EPSTI1: variants seen among roughly 807,000 people sequenced by gnomAD.
EPSTI1 encodes epithelial-stromal interaction protein 1.
Under a neutral mutation model 49.9 loss-of-function variants are expected in EPSTI1, and 66 were observed. The observed-to-expected ratio is 1.32, with a 90% confidence interval of 1.08 to 1.62. The LOEUF (loss-of-function observed/expected upper bound fraction) is 1.62, where lower values mean the gene tolerates loss of function less well. Among genes scored for constraint, EPSTI1 ranks in the 40% most tolerant of loss-of-function variants. The pLI is 0.00. For synonymous variants in EPSTI1, 137 were observed against 130.7 expected, an observed-to-expected ratio of 1.05 and a Z score of -0.33; for missense variants, 394 against 365.5, an observed-to-expected ratio of 1.08 and a Z score of -0.64.
At chr13:42,948,447 T>TTGC (rs2038989821) in intron 6 of EPSTI1, among the ~76,000 whole-genome samples, 1 of 142,518 alleles carries the variant, frequency 7.0e-6, no homozygotes, top group African/African-American at 2.6e-5. Context: ...TTTTTGCTGT[T>TTGC]TGTTTGTTTT....
intron 5 of EPSTI1, among the ~76,000 whole-genome samples, chr13:42,960,920 AAGG>A (rs2039429451): frequency 6.6e-6 from 1 of 152,168 alleles, no homozygotes; most frequent in Non-Finnish European, 1.5e-5. Context: ...TCTCTATTTT[AAGG>A]TCAGTTGATT....
intron 6 of EPSTI1, among the ~76,000 whole-genome samples, chr13:42,939,175 C>T (rs1490420480): frequency 2.0e-5 from 3 of 152,142 alleles, no homozygotes; most frequent in Non-Finnish European, 4.4e-5. Context: ...TAGGCTTTGG[C>T]TTAAGGGAAT....
Position 42,937,213 on chromosome 13 carries a change from C to T in EPSTI1, c.564-10784G>A, listed in dbSNP as rs573541561. ...ATGTACACTTTAATTTAAAAATACA[C>T]GTTGTTGCTAAAAAAAATGCTAACA... On this transcript the variant is annotated intron_variant, in intron 6 of 10. Transcript: ENST00000313624. Among the ~76,000 whole-genome samples the T allele has an allele frequency of 1.1e-4, 11 of 97,448 alleles. No homozygotes were observed. The South Asian group carries it at 1.7e-3, about 15-fold the overall frequency. 63.9% of individuals were successfully genotyped at this position (97,448 alleles called of 152,430 possible).
chr13:42,940,419 G>A (rs979804220), intron 6 of EPSTI1, among the ~76,000 whole-genome samples: 4 of 152,078 alleles, frequency 2.6e-5, no homozygotes, highest in African/African-American at 7.2e-5. Flanking sequence ...GGAATTGTTC[G>A]AATCCTACAC....
intron 6 of EPSTI1, among the ~76,000 whole-genome samples, chr13:42,945,980 T>A (rs903346350): frequency 2.0e-5 from 3 of 152,332 alleles, no homozygotes; most frequent in African/African-American, 7.2e-5. Context: ...AAGTTATGAA[T>A]AGGATGACTT....
chr13:42,902,084 A>G (rs1238563216), intron 8 of EPSTI1, among the ~76,000 whole-genome samples: 4 of 152,150 alleles, frequency 2.6e-5, no homozygotes, highest in Non-Finnish European at 5.9e-5. Flanking sequence ...ATGTCCCTAC[A>G]AAGGACATGA....
At chr13:42,982,135 T>C (rs2039997060) in intron 1 of EPSTI1, among the ~76,000 whole-genome samples, 1 of 151,920 alleles carries the variant, frequency 6.6e-6, no homozygotes, top group South Asian at 2.1e-4. Context: ...AGATAGGAGG[T>C]TGGCACAAGA....
intron 1 of EPSTI1, among the ~76,000 whole-genome samples, chr13:42,984,565 A>T (rs1293365051): frequency 6.6e-6 from 1 of 152,242 alleles, no homozygotes; most frequent in Admixed American, 6.5e-5. Context: ...ATTGATAAAA[A>T]TTTAACACTA....
At chr13:42,980,063 T>C (rs2039960385) in intron 1 of EPSTI1, among the ~76,000 whole-genome samples, 1 of 152,126 alleles carries the variant, frequency 6.6e-6, no homozygotes, top group South Asian at 2.1e-4. Flanking sequence ...GTAACTTTTC[T>C]TATAGAATGC....
intron 6 of EPSTI1, among the ~76,000 whole-genome samples, chr13:42,932,946 G>C (rs1334941563): frequency 6.6e-6 from 1 of 152,120 alleles, no homozygotes; most frequent in Admixed American, 6.5e-5. Flanking sequence ...AACCCAAACT[G>C]GGGGAAGTCT....
At chr13:42,905,634 C>T (rs1399060644) in intron 8 of EPSTI1, among the ~76,000 whole-genome samples, 1 of 152,128 alleles carries the variant, frequency 6.6e-6, no homozygotes, top group East Asian at 1.9e-4. Context: ...ACATCTGAGG[C>T]ATTGTTAAGG....
At chr13:42,948,449 G>A (rs369374079) in intron 6 of EPSTI1, among the ~76,000 whole-genome samples, 1 of 130,908 alleles carries the variant, frequency 7.6e-6, no homozygotes, top group African/African-American at 2.9e-5. Flanking sequence ...TTTGCTGTTT[G>A]TTTGTTTTTT....
intron 1 of EPSTI1, among the ~76,000 whole-genome samples, chr13:42,989,032 A>ATTTTTTTTTTTTTT (rs74772535): frequency 3.1e-5 from 3 of 96,124 alleles, no homozygotes; most frequent in Non-Finnish European, 3.7e-5. Flanking sequence ...GATAATTTAA[A>ATTTTTTTTTTTTTT]TTTTTTTTTT....
At chr13:42,934,121 G>A (rs1796120704) in intron 6 of EPSTI1, 1 of 190,792 alleles carries the variant, frequency 5.2e-6, no homozygotes, top group Non-Finnish European at 1.1e-5. Context: ...GGAAATACTG[G>A]GCTACCGTCA....
At chr13:42,969,853 A>C (rs1396380775) in intron 2 of EPSTI1, 1 of 152,258 alleles carries the variant, frequency 6.6e-6, no homozygotes, top group Non-Finnish European at 1.5e-5. Flanking sequence ...TACTAGAAAA[A>C]CAAATTCTGA....
intron 6 of EPSTI1, chr13:42,934,239 C>A (rs1197273776): frequency 6.5e-6 from 1 of 153,176 alleles, no homozygotes; most frequent in Non-Finnish European, 1.5e-5. Context: ...ATAAGAAAAG[C>A]AAATGAATTA....
At chr13:42,953,923 C>A in intron 6 of EPSTI1, 25 bp downstream of exon 6, 3 of 1,597,176 alleles carry the variant, frequency 1.9e-6, no homozygotes, top group Non-Finnish European at 2.6e-6. Flanking sequence ...TATAAAGGCA[C>A]GAAGTTCTGA....
intron 8 of EPSTI1, among the ~76,000 whole-genome samples, chr13:42,903,677 A>G (rs2037422716): frequency 6.6e-6 from 1 of 152,230 alleles, no homozygotes; most frequent in Non-Finnish European, 1.5e-5. Flanking sequence ...ACAGAGTTTC[A>G]TGAATGATGA....
At chr13:42,944,207 G>A (rs2038850500) in intron 6 of EPSTI1, among the ~76,000 whole-genome samples, 1 of 152,090 alleles carries the variant, frequency 6.6e-6, no homozygotes, top group Non-Finnish European at 1.5e-5. Flanking sequence ...CTACTATAAA[G>A]GCACATGCAC....
Sources: gnomAD v4.1 joint callset for allele counts (sites outside exome capture counted in the v4.1 genomes callset) on GRCh38, gnomAD v4.1.1 for gene constraint, MANE v1.5 for transcripts, NCBI Gene and HGNC (gene_info 2026-07-23, HGNC 2026-07-21) for gene names.